EXOC6: variants seen among roughly 807,000 people sequenced by gnomAD.
EXOC6 encodes the protein exocyst complex component 6, also known as SEC15-like 1.
EXOC6 carries 60 observed loss-of-function variants against 112.5 expected under a neutral mutation model. The observed-to-expected ratio is 0.53, with a 90% CI of 0.43 to 0.66. The LOEUF is 0.66. EXOC6 is among the 30% of genes least tolerant of loss of function. The pLI, the probability that EXOC6 is intolerant of heterozygous loss-of-function variation, is 0.00. For missense variants in EXOC6, 855 were observed against 957.1 expected (o/e 0.89, Z 1.41); for synonymous variants, 295 against 308.0 (o/e 0.96, Z 0.44).
chr10:92,999,037 A>G (rs1050281982), intron 19 of EXOC6, among the ~76,000 whole-genome samples: 1 of 151,676 alleles, frequency 6.6e-6, no homozygotes, highest in African/African-American at 2.4e-5. Flanking sequence ...ACACTCAGCT[A>G]ATTTTTGTAT....
rs955974588 is a variant in EXOC6 at position 92,946,407 on chromosome 10, A to T, written c.1311-1867A>T. On this transcript the variant is annotated intron_variant, in intron 13 of 21. Transcript: ENST00000260762. ...AGACCCTGTCTTAAAAAAAAAAATT[A>T]AAAAAAGTAAAGCTTTCATTTATGC... Among the ~76,000 whole-genome samples the T allele has an allele frequency of 2.2e-4, 34 of 152,230 alleles. 3 individuals are homozygous for T. The highest frequency in any genetic ancestry group is 9.8e-4 in the Admixed American group (15 of 15,296).
chr10:92,965,797 A>G (rs1842020915), intron 17 of EXOC6, among the ~76,000 whole-genome samples: 1 of 152,218 alleles, frequency 6.6e-6, no homozygotes, highest in African/African-American at 2.4e-5. Context: ...GCAGCTATAA[A>G]GATCAGACAC....
rs780362532 is a variant in EXOC6, at chr10:93,056,919, C to T, written c.2170-5C>T. 121 of 1,545,692 alleles carry T rather than the reference C, an allele frequency of 7.8e-5. No individual in the cohort carries two copies. The East Asian group carries it at 1.4e-3, about 18-fold the overall frequency. On this transcript the variant is annotated splice_region_variant and splice_polypyrimidine_tract_variant and intron_variant, in intron 20 of 21. Coordinates refer to ENST00000260762, the MANE Select transcript of EXOC6 (RefSeq NM_019053.6). ...TTGATTTAACATTTCCCCCATCTTT[C>T]GCAGCTCCTTGACCTGTTTATGGTT...
At chr10:92,964,098 G>A (rs1473249940) in intron 17 of EXOC6, among the ~76,000 whole-genome samples, 1 of 151,392 alleles carries the variant, frequency 6.6e-6, no homozygotes, top group Non-Finnish European at 1.5e-5. Context: ...GAGATGCTTA[G>A]CACACAAATC....
At position 92,911,946 on chromosome 10, in the gene EXOC6, TGTG is replaced by T. The variant is rs1564823694; in HGVS notation, c.663+2316_663+2318del. Reference sequence around the variant, plus strand: ...CTCTCTCTCTCTGTGTGCGTGTGTGTGTGTGTGTGTGTGTGTGTGTGTGTGTGT... The same window carrying T: ...CTCTCTCTCTCTGTGTGCGTGTGTGTTGTGTGTGTGTGTGTGTGTGTGTGT... On this transcript the variant is annotated intron_variant, in intron 6 of 21. Transcript: ENST00000260762. 9.4e-3 allele frequency among the ~76,000 whole-genome samples: 824 copies of T among 87,584 alleles called. 6 individuals carry two copies. The highest frequency in any genetic ancestry group is 0.021 in the African/African-American group (679 of 31,606). 57.5% of individuals were successfully genotyped at this position (87,584 alleles called of 152,430 possible). A position where few individuals can be genotyped will look rare whatever the true frequency, so the allele number is the denominator to read the frequency against.
chr10:92,899,887 G>A lies in EXOC6; in HGVS notation c.458+243G>A, dbSNP rs188898901. On this transcript the variant is annotated intron_variant, in intron 5 of 21. Transcript: ENST00000260762. Reference sequence around the variant, plus strand: ...TAATGTTGATCAAGTACAAATAGCCGAACAGGAATGAAAATATTGATTAGC... The same window carrying A: ...TAATGTTGATCAAGTACAAATAGCCAAACAGGAATGAAAATATTGATTAGC... The A allele has an allele frequency of 9.5e-4, 361 of 381,234 alleles. 1 individual carries two copies. The highest frequency in any genetic ancestry group is 1.5e-3 in the Non-Finnish European group (315 of 212,068). The allele number at this position is 381,234 out of a possible 1,614,324, so 23.6% of individuals were successfully genotyped here.
At chr10:92,880,622 AT>A (rs532633160) in intron 1 of EXOC6, among the ~76,000 whole-genome samples, 1 of 152,220 alleles carries the variant, frequency 6.6e-6, no homozygotes, top group Non-Finnish European at 1.5e-5. Context: ...TGATGTACAT[AT>A]TAATAAAAGA....
intron 1 of EXOC6, among the ~76,000 whole-genome samples, chr10:92,864,298 A>G (rs933831891): frequency 6.6e-6 from 1 of 152,248 alleles, no homozygotes; most frequent in Non-Finnish European, 1.5e-5. Flanking sequence ...AACATATTTC[A>G]TAACTGGTTT....
At chr10:92,971,922 T>C (rs561440447) in intron 17 of EXOC6, among the ~76,000 whole-genome samples, 3 of 152,212 alleles carry the variant, frequency 2.0e-5, no homozygotes, top group Non-Finnish European at 4.4e-5. Context: ...CTTTGGAAGT[T>C]CTCACCTCTC....
At chr10:92,997,292 T>C (rs894946372) in intron 18 of EXOC6, among the ~76,000 whole-genome samples, 182 bp from the exon 19 acceptor site, 3 of 152,188 alleles carry the variant, frequency 2.0e-5, no homozygotes, top group Non-Finnish European at 4.4e-5. Context: ...AGAATATTAA[T>C]GTTAATTTCT....
At chr10:92,934,851 A>G (rs1413049894) in intron 11 of EXOC6, among the ~76,000 whole-genome samples, 1 of 152,060 alleles carries the variant, frequency 6.6e-6, no homozygotes, top group Non-Finnish European at 1.5e-5. Context: ...TTTCTTTAAA[A>G]TTTGCGATTT....
chr10:92,881,565 C>CACT (rs1302945515), intron 1 of EXOC6, among the ~76,000 whole-genome samples: 4 of 152,178 alleles, frequency 2.6e-5, no homozygotes, highest in African/African-American at 9.7e-5. Flanking sequence ...ATTGCTTGTG[C>CACT]ACTTACACAA....
At chr10:92,893,641 G>A in intron 2 of EXOC6, 121 bp downstream of exon 2, 1 of 775,890 alleles carries the variant, frequency 1.3e-6, no homozygotes, top group Non-Finnish European at 2.0e-6. Context: ...ATTAGTATAT[G>A]TATTAGGGAA....
At chr10:92,840,168 A>G (rs1184167448) in intron 1 of EXOC6, among the ~76,000 whole-genome samples, 6 of 151,992 alleles carry the variant, frequency 3.9e-5, no homozygotes, top group Admixed American at 6.6e-5. Flanking sequence ...AAATCTTAGA[A>G]TGACATACTA....
At chr10:92,839,861 A>G (rs1238392351) in intron 1 of EXOC6, among the ~76,000 whole-genome samples, 1 of 152,026 alleles carries the variant, frequency 6.6e-6, no homozygotes, top group Non-Finnish European at 1.5e-5. Flanking sequence ...GCGGGGGTGG[A>G]TGTCTAAAGA....
chr10:92,856,651 C>CT (rs1445333615), intron 1 of EXOC6, among the ~76,000 whole-genome samples: 1 of 152,140 alleles, frequency 6.6e-6, no homozygotes, highest in Admixed American at 6.5e-5. Context: ...CTTGAGAAGA[C>CT]TGTGTATCCT....
chr10:92,867,027 A>G (rs1451555258), intron 1 of EXOC6, among the ~76,000 whole-genome samples: 4 of 152,180 alleles, frequency 2.6e-5, no homozygotes, highest in Non-Finnish European at 5.9e-5. Flanking sequence ...TACATACTTA[A>G]TGAAGAGGTA....
intron 9 of EXOC6, among the ~76,000 whole-genome samples, chr10:92,931,460 A>ATG (rs1173191454): frequency 1.3e-5 from 2 of 151,794 alleles, no homozygotes; most frequent in Non-Finnish European, 2.9e-5. Context: ...ACATATATAT[A>ATG]TAATGTGTAA....
chr10:92,997,257 T>C (rs143228327), intron 18 of EXOC6, among the ~76,000 whole-genome samples: 8 of 152,318 alleles, frequency 5.3e-5, no homozygotes, highest in African/African-American at 1.9e-4. Flanking sequence ...ATGATATTTA[T>C]ATCCTGAGAA....
Sources: gnomAD v4.1 joint callset for allele counts (sites outside exome capture counted in the v4.1 genomes callset) on GRCh38, gnomAD v4.1.1 for gene constraint, MANE v1.5 for transcripts, NCBI Gene and HGNC (gene_info 2026-07-23, HGNC 2026-07-21) for gene names.